The following ALDH9A1 variants were observed in gnomAD, a reference collection of about 807,000 sequenced individuals.
ALDH9A1 encodes 4-trimethylaminobutyraldehyde dehydrogenase.
ALDH9A1 carries 42 observed loss-of-function variants against 56.6 expected under a neutral mutation model. That is an observed-to-expected ratio of 0.74 (90% CI 0.58 to 0.96). The LOEUF (loss-of-function observed/expected upper bound fraction) is 0.96, where lower values mean the gene tolerates loss of function less well. Among genes scored for constraint, ALDH9A1 ranks in the 40% least tolerant of loss-of-function variants. The probability of loss-of-function intolerance (pLI) is 0.00; values close to 1 mark genes in which losing one functional copy is unlikely to be tolerated. For missense variants in ALDH9A1, 661 were observed against 651.5 expected (o/e 1.01, Z -0.16); for synonymous variants, 242 against 236.0 (o/e 1.03, Z -0.23).
At chr1:165,665,796 A>G (rs1367080722) in intron 9 of ALDH9A1, among the ~76,000 whole-genome samples, 1 of 152,204 alleles carries the variant, frequency 6.6e-6, no homozygotes, top group Non-Finnish European at 1.5e-5. Context: ...TAGAACCTTC[A>G]TACGTTGTTC....
intron 5 of ALDH9A1, 100 bp from the exon 6 acceptor site, chr1:165,679,682 G>T: frequency 7.9e-7 from 1 of 1,261,468 alleles, no homozygotes; most frequent in Non-Finnish European, 1.1e-6. Context: ...TGAACTGTTT[G>T]TGACCTGTAG....
intron 8 of ALDH9A1, 62 bp from the exon 9 acceptor site, chr1:165,667,512 A>T (rs2176151): frequency 6.4e-7 from 1 of 1,571,660 alleles, no homozygotes; most frequent in African/African-American, 1.4e-5. Context: ...CACCACCCCC[A>T]GCTAATTTTT....
At chr1:165,670,830 G>A (rs1437364265) in intron 6 of ALDH9A1, among the ~76,000 whole-genome samples, 2 of 152,214 alleles carry the variant, frequency 1.3e-5, no homozygotes, top group Admixed American at 6.5e-5. Flanking sequence ...CCAGCACCTT[G>A]GGAGGCTGAG....
rs780861511 is a variant in ALDH9A1 at position 165,679,578 on chromosome 1, A to G, written c.794T>C (p.Met265Thr). ...TGSVPTGMKIMEMSAKGIKPV... is the reference protein window; with the variant it reads ...TGSVPTGMKITEMSAKGIKPV... ...TTTGATTCCTTTAGCTGACATCTCC[A>G]TGATCTTGCAGAACAAGGACAAGGT... The change falls in exon 6 of 11, where the codon ATG (methionine) becomes ACG (threonine). Residue 265 changes from methionine (M) to threonine (T), a missense_variant. Coordinates refer to ENST00000354775, the MANE Select transcript of ALDH9A1 (RefSeq NM_000696.4). 1.9e-6 allele frequency: 3 copies of G among 1,614,154 alleles called. No homozygotes were observed. Among genetic ancestry groups the G allele is most frequent in the South Asian group, 1.1e-5 (1 of 91,086 alleles).
chr1:165,676,272 C>T (rs1649352267), intron 6 of ALDH9A1: 1 of 155,018 alleles, frequency 6.5e-6, no homozygotes, highest in African/African-American at 2.4e-5. Flanking sequence ...GGAACCAGGG[C>T]TTTTGGTTGG....
intron 6 of ALDH9A1, among the ~76,000 whole-genome samples, chr1:165,670,071 A>G (rs757495509): frequency 6.6e-6 from 1 of 152,234 alleles, no homozygotes; most frequent in Non-Finnish European, 1.5e-5. Context: ...AATGTGGAAA[A>G]CATAAAATAA....
rs757263088 is a variant in ALDH9A1 at position 165,668,945 on chromosome 1, G to A, written c.1188C>T (p.Tyr396=). The part of the protein sequence containing the change: ...PEDPKLKDGY[Y]MRPCVLTNCR... The stretch of plus-strand genomic sequence containing the variant: ...ACATACTTAATACACAAGGTCTCAT[G>A]TAATATCCATCCTTTAATTTGGGAT... The change falls in exon 8 of 11, where the codon TAC becomes TAT. Residue 396 remains tyrosine (Y), a synonymous_variant. Coordinates refer to ENST00000354775, the MANE Select transcript of ALDH9A1 (RefSeq NM_000696.4). 8.1e-6 allele frequency: 13 copies of A among 1,605,864 alleles called. No individual in the cohort carries two copies. The highest frequency in any genetic ancestry group is 1.1e-5 in the Non-Finnish European group (13 of 1,172,652).
In ALDH9A1 at chr1:165,668,932, C is replaced by T. The variant is rs1330265090; in HGVS notation, c.1201G>A (p.Val401Ile). 2.5e-6 allele frequency: 4 copies of T among 1,590,154 alleles called. No individual in the cohort carries two copies. Among genetic ancestry groups the T allele is most frequent in the Admixed American group, 3.3e-5 (2 of 59,824 alleles). Residue 401 changes from valine (V) to isoleucine (I), a missense_variant, in exon 8 of 11, where the codon GTA becomes ATA. Coordinates refer to ENST00000354775, the MANE Select transcript of ALDH9A1 (RefSeq NM_000696.4). Reference protein sequence around the residue: ...LKDGYYMRPCVLTNCRDDMTC... With the variant: ...LKDGYYMRPCILTNCRDDMTC... ...AAACAAAAAGAGGACATACTTAATA[C>T]ACAAGGTCTCATGTAATATCCATCC...
At chr1:165,690,662 T>C (rs1181670767) in intron 2 of ALDH9A1, among the ~76,000 whole-genome samples, 3 of 152,174 alleles carry the variant, frequency 2.0e-5, no homozygotes. Flanking sequence ...CCCACCCTAA[T>C]ACTGCGCTTT....
At chr1:165,668,762 G>A in intron 8 of ALDH9A1, 164 bp downstream of exon 8, 1 of 530,670 alleles carries the variant, frequency 1.9e-6, no homozygotes, top group Non-Finnish European at 3.3e-6. Flanking sequence ...GCACACAGAA[G>A]GCTTCAAAGA....
At chr1:165,664,303 A>G (rs1361862637) in intron 10 of ALDH9A1, among the ~76,000 whole-genome samples, 1 of 152,228 alleles carries the variant, frequency 6.6e-6, no homozygotes, top group Non-Finnish European at 1.5e-5. Context: ...TCACTCTAGA[A>G]GAACAGCATG....
chr1:165,674,546 C>T lies in ALDH9A1; in HGVS notation c.930+4896G>A, dbSNP rs540547528. Among the ~76,000 whole-genome samples the T allele has an allele frequency of 4.6e-5, 7 of 151,512 alleles. No homozygotes were observed. The South Asian group carries it at 8.3e-4, about 18-fold the overall frequency. ...TACTAAAAATACAAAATTAGTCAGG[C>T]GTGGTGGCACATGCCTGTAATCCCA... On this transcript the variant is annotated intron_variant, in intron 6 of 10. Coordinates refer to ENST00000354775, the MANE Select transcript of ALDH9A1 (RefSeq NM_000696.4).
chr1:165,669,054 AC>A, intron 7 of ALDH9A1, 41 bp from the exon 8 acceptor site: 1 of 1,514,050 alleles, frequency 6.6e-7, no homozygotes, highest in Non-Finnish European at 9.0e-7. Flanking sequence ...TAAAAATATA[AC>A]CCCAAAATGC....
In ALDH9A1 at chr1:165,668,929, A is replaced by G; in HGVS notation, c.1204T>C (p.Leu402=). 6.3e-7 allele frequency: 1 copy of G among 1,584,820 alleles called. No individual in the cohort carries two copies. Among genetic ancestry groups the G allele is most frequent in the Middle Eastern group, 1.7e-4 (1 of 6,010 alleles). ...AGCAAACAAAAAGAGGACATACTTA[A>G]TACACAAGGTCTCATGTAATATCCA... ...KDGYYMRPCV[L]TNCRDDMTCV... The change falls in exon 8 of 11, where the codon TTA becomes CTA. Residue 402 remains leucine (L), a synonymous_variant. Coordinates refer to ENST00000354775, the MANE Select transcript of ALDH9A1 (RefSeq NM_000696.4).
At chr1:165,695,673 T>G (rs149347864) in intron 1 of ALDH9A1, among the ~76,000 whole-genome samples, 280 of 151,478 alleles carry the variant, frequency 1.8e-3, no homozygotes, top group Middle Eastern at 3.4e-3. Context: ...TTTTTTGTAT[T>G]TTTTAGTAGA....
chr1:165,667,249 C>T, intron 9 of ALDH9A1, 60 bp downstream of exon 9: 1 of 1,598,654 alleles, frequency 6.3e-7, no homozygotes, highest in Non-Finnish European at 8.5e-7. Flanking sequence ...AATTAAATAT[C>T]TAAGCAGATA....
intron 4 of ALDH9A1, among the ~76,000 whole-genome samples, chr1:165,681,603 T>C (rs894639010): frequency 1.3e-5 from 2 of 152,258 alleles, no homozygotes; most frequent in African/African-American, 4.8e-5. Context: ...TCAAAGATTC[T>C]TCTCTTTAAA....
At chr1:165,682,488 C>T (rs1337442) in intron 3 of ALDH9A1, among the ~76,000 whole-genome samples, 102,040 of 151,446 alleles carry the variant, frequency 0.67, 34,737 homozygotes, top group East Asian at 0.98. Context: ...GATTTTACAA[C>T]TCTCTAAGAA....
intron 4 of ALDH9A1, among the ~76,000 whole-genome samples, 181 bp downstream of exon 4, chr1:165,681,926 C>T (rs1649563031): frequency 6.6e-6 from 1 of 152,122 alleles, no homozygotes; most frequent in African/African-American, 2.4e-5. Context: ...TAACTATAAG[C>T]TCCTTGAGGG....
Sources: gnomAD v4.1 joint callset for allele counts (sites outside exome capture counted in the v4.1 genomes callset) on GRCh38, gnomAD v4.1.1 for gene constraint, MANE v1.5 for transcripts, NCBI Gene and HGNC (gene_info 2026-07-23, HGNC 2026-07-21) for gene names.